MAPKAP1: variants seen among roughly 807,000 people sequenced by gnomAD.
The protein encoded by MAPKAP1 is target of rapamycin complex 2 subunit MAPKAP1.
MAPKAP1 carries 20 observed loss-of-function variants against 65.7 expected under a neutral mutation model. The observed-to-expected ratio is 0.30, with a 90% CI of 0.21 to 0.44. The LOEUF is 0.44. Among genes scored for constraint, MAPKAP1 ranks in the 20% least tolerant of loss-of-function variants. The pLI is 1.00. For synonymous variants in MAPKAP1, 222 were observed against 244.3 expected, an observed-to-expected ratio of 0.91 and a Z score of 0.85; for missense variants, 423 against 648.0, an observed-to-expected ratio of 0.65 and a Z score of 3.77.
intron 1 of MAPKAP1, among the ~76,000 whole-genome samples, chr9:125,692,244 A>G (rs1393586178): frequency 6.6e-6 from 1 of 152,262 alleles, no homozygotes; most frequent in Non-Finnish European, 1.5e-5. Context: ...ATAATAACCA[A>G]AAGGTAGAAA....
chr9:125,441,485 G>C (rs932028451), intron 11 of MAPKAP1, among the ~76,000 whole-genome samples: 23 of 152,238 alleles, frequency 1.5e-4, no homozygotes, highest in African/African-American at 5.3e-4. Flanking sequence ...ACTGCATGTA[G>C]CTGGTGTTCA....
intron 1 of MAPKAP1, chr9:125,696,432 AC>A (rs1482077322): frequency 2.6e-5 from 4 of 151,620 alleles, no homozygotes; most frequent in Admixed American, 2.0e-4. Context: ...CAAAAAAAAA[AC>A]AAAAAACAAA....
chr9:125,576,020 A>G (rs1312555505), intron 5 of MAPKAP1, among the ~76,000 whole-genome samples: 2 of 152,236 alleles, frequency 1.3e-5, no homozygotes, highest in African/African-American at 2.4e-5. Context: ...ACAGTGAGAA[A>G]TAAGTGTATC....
intron 1 of MAPKAP1, among the ~76,000 whole-genome samples, chr9:125,698,904 A>G (rs1262396829): frequency 6.6e-6 from 1 of 152,204 alleles, no homozygotes; most frequent in African/African-American, 2.4e-5. Context: ...ACAGAAATTA[A>G]CAAATTTCAT....
chr9:125,475,220 A>C (rs1253510420), intron 9 of MAPKAP1, among the ~76,000 whole-genome samples: 1 of 152,260 alleles, frequency 6.6e-6, no homozygotes, highest in Non-Finnish European at 1.5e-5. Context: ...CTACCAGGCC[A>C]GGGCTTAAAC....
chr9:125,536,380 C>T (rs1589266314), intron 7 of MAPKAP1, among the ~76,000 whole-genome samples: 1 of 152,292 alleles, frequency 6.6e-6, no homozygotes, highest in East Asian at 1.9e-4. Context: ...CTGAGTCACA[C>T]ATTTAAACAC....
intron 5 of MAPKAP1, among the ~76,000 whole-genome samples, chr9:125,572,225 G>A (rs1041376469): frequency 3.3e-5 from 5 of 152,170 alleles, no homozygotes; most frequent in African/African-American, 7.2e-5. Context: ...AGGTCCAGGA[G>A]CCCCAAGTTA....
intron 4 of MAPKAP1, among the ~76,000 whole-genome samples, chr9:125,586,303 T>C (rs558692270): frequency 6.6e-6 from 1 of 152,252 alleles, no homozygotes; most frequent in Non-Finnish European, 1.5e-5. Flanking sequence ...CTGCTGGATA[T>C]ATTCCCACTC....
chr9:125,496,141 G>A (rs935114699), intron 8 of MAPKAP1, among the ~76,000 whole-genome samples: 12 of 152,226 alleles, frequency 7.9e-5, no homozygotes, highest in Non-Finnish European at 1.2e-4. Context: ...ACTTGTACAA[G>A]GTTACACAGT....
chr9:125,565,751 A>G, intron 5 of MAPKAP1: 1 of 423,480 alleles, frequency 2.4e-6, no homozygotes, highest in Non-Finnish European at 4.7e-6. Flanking sequence ...CAAAAAAAAA[A>G]AAAAAAAAAA....
chr9:125,691,867 C>T (rs768419656), intron 1 of MAPKAP1, among the ~76,000 whole-genome samples: 4 of 152,126 alleles, frequency 2.6e-5, no homozygotes, highest in Non-Finnish European at 5.9e-5. Flanking sequence ...TCACTAATGC[C>T]CAATATATAT....
In MAPKAP1 at chr9:125,439,254, T is replaced by TGAA. The variant is rs1437759169; in HGVS notation, c.1444-243_1444-242insTTC. On this transcript the variant is annotated intron_variant, in intron 11 of 11. Transcript: ENST00000265960. The surrounding 1 kb of genome is among the most constrained non-coding windows in gnomAD (Gnocchi z 4.0). Reference sequence around the variant, plus strand: ...TGGCCAGTCCAGGCTTCCCAGTCAGTGAGCGGCGAGCTCTTCAGGTTCCGG... The same window carrying TGAA: ...TGGCCAGTCCAGGCTTCCCAGTCAGTGAAGAGCGGCGAGCTCTTCAGGTTCCGG... Among the ~76,000 whole-genome samples the TGAA allele has an allele frequency of 2.0e-5, 3 of 152,220 alleles. No individual in the cohort carries two copies. Among genetic ancestry groups the TGAA allele is most frequent in the Non-Finnish European group, 4.4e-5 (3 of 68,014 alleles).
At position 125,519,652 on chromosome 9, in the gene MAPKAP1, T is replaced by TTATATATATA. The variant is rs146480033; in HGVS notation, c.959-13245_959-13236dup. On this transcript the variant is annotated intron_variant, in intron 7 of 11. Coordinates refer to ENST00000265960, the MANE Select transcript of MAPKAP1 (RefSeq NM_001006617.3). ...TAATATATATACATATATATGTCTT[T>TTATATATATA]TATATATATATATATATATAATTTA... Among the ~76,000 whole-genome samples, 384 of 141,696 alleles carry TTATATATATA rather than the reference T, an allele frequency of 2.7e-3. 1 individual carries two copies. Among genetic ancestry groups the TTATATATATA allele is most frequent in the South Asian group, 8.7e-3 (39 of 4,466 alleles). 93.0% of individuals were successfully genotyped at this position (141,696 alleles called of 152,430 possible).
intron 1 of MAPKAP1, among the ~76,000 whole-genome samples, chr9:125,681,548 C>T (rs946123470): frequency 6.6e-6 from 1 of 152,078 alleles, no homozygotes; most frequent in East Asian, 1.9e-4. Context: ...TGCCACTAAC[C>T]TCGAAATGCC....
At position 125,471,121 on chromosome 9, in the gene MAPKAP1, G is replaced by GCGCAGGCAGCACCGCAGCA. The variant is rs1554807073; in HGVS notation, c.1208-3031_1208-3013dup. On this transcript the variant is annotated intron_variant, in intron 9 of 11. Coordinates refer to ENST00000265960, the MANE Select transcript of MAPKAP1 (RefSeq NM_001006617.3). ...GTGTGAGTCTCAGCTTCTTAAGGCAGCGCAGGCAGCACCGCAGCACCCTAT... is the reference window on the plus strand; with the variant it reads ...GTGTGAGTCTCAGCTTCTTAAGGCAGCGCAGGCAGCACCGCAGCACGCAGGCAGCACCGCAGCACCCTAT... 4.6e-5 allele frequency: 7 copies of GCGCAGGCAGCACCGCAGCA among 152,342 alleles called. No individual in the cohort carries two copies. In the East Asian group the frequency reaches 9.7e-4, roughly 21 times the overall value. The allele number at this position is 152,342 out of a possible 1,614,324, so 9.4% of individuals were successfully genotyped here. A position where few individuals can be genotyped will look rare whatever the true frequency, so the allele number is the denominator to read the frequency against.
intron 4 of MAPKAP1, among the ~76,000 whole-genome samples, chr9:125,652,863 G>A (rs1198542222): frequency 3.9e-5 from 6 of 152,084 alleles, no homozygotes; most frequent in Non-Finnish European, 5.9e-5. Context: ...CATGCAGACC[G>A]TTTTCACCCT....
At chr9:125,596,335 G>GGCAAGGCTTTGGT in intron 4 of MAPKAP1, 1 of 765,594 alleles carries the variant, frequency 1.3e-6, no homozygotes, top group Non-Finnish European at 2.4e-6. Flanking sequence ...AACTTCAGTG[G>GGCAAGGCTTTGGT]TTGTGGTGCC....
intron 4 of MAPKAP1, among the ~76,000 whole-genome samples, chr9:125,591,513 T>C (rs766459250): frequency 1.6e-4 from 25 of 152,166 alleles, no homozygotes; most frequent in Middle Eastern, 6.3e-3. Context: ...CTCTATTTCA[T>C]AGTAAAATAG....
chr9:125,441,448 T>G (rs1852480118), intron 11 of MAPKAP1, among the ~76,000 whole-genome samples: 1 of 152,168 alleles, frequency 6.6e-6, no homozygotes, highest in Admixed American at 6.5e-5. Context: ...GTCAGGAAGA[T>G]TAAACAAGAT....
Sources: gnomAD v4.1 joint callset for allele counts (sites outside exome capture counted in the v4.1 genomes callset) on GRCh38, gnomAD v4.1.1 for gene constraint, Gnocchi (gnomAD v3.1) non-coding constraint, MANE v1.5 for transcripts, NCBI Gene and HGNC (gene_info 2026-07-23, HGNC 2026-07-21) for gene names.